SPTLC3: variants seen among roughly 807,000 people sequenced by gnomAD.
SPTLC3 encodes the protein serine palmitoyltransferase 3.
A neutral mutation model predicts 59.3 loss-of-function variants in SPTLC3; 36 were observed. That is an observed-to-expected ratio of 0.61 (90% CI 0.47 to 0.80). SPTLC3 has a LOEUF of 0.80. Ranked by LOEUF, SPTLC3 falls within the 30% of genes least tolerant of loss-of-function variation. The pLI is 0.00. For synonymous variants in SPTLC3, 257 were observed against 240.8 expected (o/e 1.07, Z -0.62); for missense variants, 625 against 685.1 (o/e 0.91, Z 0.98).
chr20:13,059,715 A>G (rs1399658918), intron 2 of SPTLC3, among the ~76,000 whole-genome samples: 6 of 152,188 alleles, frequency 3.9e-5, no homozygotes, highest in African/African-American at 1.4e-4. Context: ...TGTCTCCGGT[A>G]CTGCCTCCAA....
Position 13,072,186 on chromosome 20 carries a change from C to A in SPTLC3, c.304-70C>A, listed in dbSNP as rs1326366768. 3 of 1,502,192 alleles carry A rather than the reference C, an allele frequency of 2.0e-6. No homozygotes were observed. The East Asian group carries it at 7.0e-5, about 35-fold the overall frequency. The allele number at this position is 1,502,192 out of a possible 1,614,324, so 93.1% of individuals were successfully genotyped here. On this transcript the variant is annotated intron_variant, in intron 2 of 11. Coordinates refer to ENST00000399002, the MANE Select transcript of SPTLC3 (RefSeq NM_018327.4). ...TCCACAGCTCTTCCAGGTCTTCTTCCCTGCTTCAATTGTAAGTGAAATCCA... is the reference window on the plus strand; with the variant it reads ...TCCACAGCTCTTCCAGGTCTTCTTCACTGCTTCAATTGTAAGTGAAATCCA...
At chr20:13,142,907 CCT>C (rs60555138) in intron 9 of SPTLC3, among the ~76,000 whole-genome samples, 7,160 of 151,754 alleles carry the variant, frequency 0.047, 207 homozygotes, top group African/African-American at 0.085. Context: ...AAATACCCCG[CCT>C]CTCTCTCTCT....
At chr20:13,050,199 G>A (rs1018504950) in intron 2 of SPTLC3, 15 of 152,070 alleles carry the variant, frequency 9.9e-5, no homozygotes, top group African/African-American at 3.6e-4. Flanking sequence ...AAGAAGTGAA[G>A]AGAGAAATAT....
At chr20:13,073,463 G>A (rs1464983643) in intron 3 of SPTLC3, among the ~76,000 whole-genome samples, 2 of 151,326 alleles carry the variant, frequency 1.3e-5, no homozygotes, top group African/African-American at 2.4e-5. Flanking sequence ...CAGACCTAAG[G>A]CCCCTCCAGC....
chr20:13,148,033 C>CT (rs1052244964), intron 9 of SPTLC3, among the ~76,000 whole-genome samples: 13 of 152,206 alleles, frequency 8.5e-5, no homozygotes, highest in Admixed American at 3.3e-4. Context: ...AATGCATTCT[C>CT]TTTTTTTGCA....
chr20:13,095,108 A>G (rs1050642218), intron 6 of SPTLC3, among the ~76,000 whole-genome samples: 4 of 152,216 alleles, frequency 2.6e-5, no homozygotes, highest in Non-Finnish European at 5.9e-5. Flanking sequence ...TTAAGAGACT[A>G]CAAGGAATGC....
At position 13,072,313 on chromosome 20, in the gene SPTLC3, C is replaced by T. The variant is rs755161889; in HGVS notation, c.361C>T (p.Arg121Ter). ...TTTTTATACAAGAAACCTTTACATG[C>T]GAATCAGAGACAACTGGAACCGGCC... is the stretch of plus-strand genomic sequence containing the variant. The part of the protein sequence containing the change: ...ENFYTRNLYM[R>*]IRDNWNRPIC... Residue 121 changes from arginine to a stop codon, truncating the protein, a stop_gained, in exon 3 of 12, where the codon CGA (arginine) becomes TGA (stop). Transcript: ENST00000399002. LOFTEE classifies it high-confidence loss of function. 5 of 1,613,632 alleles carry T rather than the reference C, an allele frequency of 3.1e-6. No homozygotes were observed. Among genetic ancestry groups the T allele is most frequent in the East Asian group, 4.5e-5 (2 of 44,882 alleles).
chr20:13,158,332 G>A (rs1013971459), intron 10 of SPTLC3, among the ~76,000 whole-genome samples: 7 of 152,188 alleles, frequency 4.6e-5, no homozygotes, highest in African/African-American at 1.7e-4. Context: ...AGCTTTAGTA[G>A]TGTAAGGTTT....
chr20:13,091,583 A>G (rs1400246751), intron 5 of SPTLC3, among the ~76,000 whole-genome samples: 1 of 130,418 alleles, frequency 7.7e-6, no homozygotes, highest in Non-Finnish European at 1.8e-5. Flanking sequence ...AAAAAAAAAA[A>G]AGAAAAAAAG....
chr20:13,139,690 G>C (rs1483613639), intron 9 of SPTLC3, among the ~76,000 whole-genome samples: 1 of 152,170 alleles, frequency 6.6e-6, no homozygotes, highest in Non-Finnish European at 1.5e-5. Context: ...ATGTGCCTAG[G>C]AGAGGAAATG....
At chr20:13,028,884 T>C (rs1347431367) in intron 1 of SPTLC3, among the ~76,000 whole-genome samples, 3 of 152,166 alleles carry the variant, frequency 2.0e-5, no homozygotes, top group Admixed American at 2.0e-4. Context: ...TGAAGCTATT[T>C]GGCTATTATT....
intron 5 of SPTLC3, among the ~76,000 whole-genome samples, chr20:13,092,407 CA>C (rs1301800508): frequency 6.6e-6 from 1 of 152,198 alleles, no homozygotes; most frequent in African/African-American, 2.4e-5. Flanking sequence ...CAACTACATG[CA>C]ATGTATGGTC....
At position 13,049,117 on chromosome 20, in the gene SPTLC3, G is replaced by C; in HGVS notation, c.290G>C (p.Arg97Thr). The C allele has an allele frequency of 1.2e-6, 2 of 1,612,980 alleles. No homozygotes were observed. The highest frequency in any genetic ancestry group is 1.3e-5 in the African/African-American group (1 of 74,940). Residue 97 changes from arginine to threonine, a missense_variant, in exon 2 of 12, where the codon AGA becomes ACA. Transcript: ENST00000399002. ...GIEKCNAAVE[R>T]KEQKDFVPLY... ...GAAAAATGCAACGCAGCTGTGGAAA[G>C]AAAAGAACAAAAAGTACGTATGCGC...
intron 1 of SPTLC3, among the ~76,000 whole-genome samples, chr20:13,041,836 T>G (rs1002445840): frequency 1.3e-5 from 2 of 149,056 alleles, no homozygotes; most frequent in Non-Finnish European, 3.0e-5. Context: ...GTGTAAAACC[T>G]CTAAGGTTGC....
At chr20:13,092,834 T>C (rs1237618719) in intron 5 of SPTLC3, among the ~76,000 whole-genome samples, 1 of 152,190 alleles carries the variant, frequency 6.6e-6, no homozygotes, top group Non-Finnish European at 1.5e-5. Context: ...ATTTTTGGTA[T>C]GCTTAAGAAG....
intron 6 of SPTLC3, among the ~76,000 whole-genome samples, chr20:13,097,564 G>A (rs1346179728): frequency 6.6e-6 from 1 of 152,020 alleles, no homozygotes; most frequent in Non-Finnish European, 1.5e-5. Flanking sequence ...CTGTTTTTGT[G>A]TTGTTTTGTT....
chr20:13,097,217 T>C (rs1160582462), intron 6 of SPTLC3, among the ~76,000 whole-genome samples: 1 of 152,014 alleles, frequency 6.6e-6, no homozygotes, highest in Non-Finnish European at 1.5e-5. Flanking sequence ...ATAATTCTAA[T>C]CAGGGAAGAA....
chr20:13,148,575 A>G lies in SPTLC3; in HGVS notation c.1280-5428A>G, dbSNP rs983166418. On this transcript the variant is annotated intron_variant, in intron 9 of 11. Transcript: ENST00000399002. ...ATCATGCCAAACAAGAGGCTACCAC[A>G]TATGCCCATTTTTATTTGCCACACC... 7.9e-5 allele frequency among the ~76,000 whole-genome samples: 12 copies of G among 152,310 alleles called. No individual in the cohort carries two copies. The East Asian group carries it at 2.3e-3, about 29-fold the overall frequency.
rs1362598062 is a variant in SPTLC3 at position 13,167,032 on chromosome 20, G to A, written c.*2165G>A. ...GACCTGTTTCTGTTAGAGAGTCCAT[G>A]TTGAATATACAGGTATGAGAACAAC... is the stretch of plus-strand genomic sequence containing the variant. On this transcript the variant is annotated 3_prime_UTR_variant, in exon 12 of 12. Transcript: ENST00000399002. 1 of 152,174 alleles carries A rather than the reference G, an allele frequency of 6.6e-6. No homozygotes were observed. Among genetic ancestry groups the A allele is most frequent in the African/African-American group, 2.4e-5 (1 of 41,436 alleles). The allele number at this position is 152,174 out of a possible 1,614,324, so 9.4% of individuals were successfully genotyped here. A position where few individuals can be genotyped will look rare whatever the true frequency, so the allele number is the denominator to read the frequency against.
Sources: allele counts gnomAD v4.1 joint callset (sites outside exome capture counted in the v4.1 genomes callset), GRCh38; gene constraint gnomAD v4.1.1; transcripts MANE v1.5; gene names NCBI Gene and HGNC (gene_info 2026-07-23, HGNC 2026-07-21).